Variants in CLCN5 observed in about 807,000 individuals in gnomAD.
CLCN5 encodes the protein Cl-/H+ antiporter 5, also known as H(+)/Cl(-) exchange transporter 5.
Under a neutral mutation model 54.0 loss-of-function variants are expected in CLCN5, and 17 were observed. That is an observed-to-expected ratio of 0.31 (90% CI 0.22 to 0.47). The LOEUF is 0.47. CLCN5 is among the 20% of genes least tolerant of loss of function. CLCN5 has a pLI of 1.00. For synonymous variants in CLCN5, 222 were observed against 233.0 expected, an observed-to-expected ratio of 0.95 and a Z score of 0.43; for missense variants, 448 against 646.7, an observed-to-expected ratio of 0.69 and a Z score of 3.33.
At chrX:49,936,222 C>T (rs955079980) in intron 3 of CLCN5, among the ~76,000 whole-genome samples, 16 of 111,853 alleles carry the variant, frequency 1.4e-4, no homozygotes, top group Non-Finnish European at 3.0e-4. Context: ...ATTAGTTCAT[C>T]CCATGCCATG....
chrX:50,059,420 G>A (rs1176839817), intron 4 of CLCN5, among the ~76,000 whole-genome samples: 2 of 111,529 alleles, frequency 1.8e-5, no homozygotes, highest in African/African-American at 3.3e-5. Flanking sequence ...GAAATGATCT[G>A]GTCAGATCAG....
chrX:49,977,767 C>G (rs781937521), intron 3 of CLCN5, among the ~76,000 whole-genome samples: 2 of 111,750 alleles, frequency 1.8e-5, no homozygotes, highest in Non-Finnish European at 3.8e-5. Flanking sequence ...TTCTTTCCCC[C>G]CTCCAGAAGC....
intron 3 of CLCN5, among the ~76,000 whole-genome samples, chrX:50,002,363 C>T (rs1243817105): frequency 2.7e-5 from 3 of 111,598 alleles, no homozygotes; most frequent in African/African-American, 9.8e-5. Context: ...TCTGTGTTCT[C>T]CAACTCAGCA....
chrX:49,995,524 T>A (rs898004918), intron 3 of CLCN5, among the ~76,000 whole-genome samples: 6 of 111,891 alleles, frequency 5.4e-5, no homozygotes, highest in Middle Eastern at 4.6e-3. Context: ...AAGTGCTATG[T>A]GAGCGAGTCA....
intron 3 of CLCN5, among the ~76,000 whole-genome samples, chrX:49,997,831 A>AT (rs1376645323): frequency 5.2e-4 from 57 of 110,020 alleles, no homozygotes; most frequent in Admixed American, 2.9e-4. Context: ...AATAATAAAC[A>AT]TTTTTTTGTT....
At position 49,976,134 on chromosome X, in the gene CLCN5, A is replaced by T. The variant is rs1275592865; in HGVS notation, c.16+50820A>T. Among the ~76,000 whole-genome samples the T allele has an allele frequency of 9.8e-5, 11 of 112,104 alleles. No homozygotes were observed. In the Admixed American group the frequency reaches 1.0e-3, roughly 11 times the overall value. On this transcript the variant is annotated intron_variant, in intron 3 of 14. Coordinates refer to ENST00000376091, the MANE Select transcript of CLCN5 (RefSeq NM_001127898.4). ...TCTTACCTAAAGCAGTTATTCTCAA[A>T]GTGTGGCCCCCAGCCGTGGCAGCAT...
rs1569538561 is a variant in CLCN5, at chrX:50,007,418, TC to T, written c.17-34897del. Among the ~76,000 whole-genome samples the T allele has an allele frequency of 1.9e-4, 19 of 100,414 alleles. 1 individual carries two copies. Among genetic ancestry groups the T allele is most frequent in the African/African-American group, 7.4e-4 (18 of 24,359 alleles). The allele number at this position is 100,414 out of a possible 115,157, so 87.2% of individuals were successfully genotyped here. A position where few individuals can be genotyped will look rare whatever the true frequency, so the allele number is the denominator to read the frequency against. On this transcript the variant is annotated intron_variant, in intron 3 of 14. Transcript: ENST00000376091. ...CTCTTTCTCTCTCTCTCTCTCTCTC[TC>T]TCTCTCTCTCTCTCTCTCTGTCACA...
At chrX:49,965,544 A>G (rs1464605109) in intron 3 of CLCN5, among the ~76,000 whole-genome samples, 2 of 112,204 alleles carry the variant, frequency 1.8e-5, no homozygotes, top group African/African-American at 6.5e-5. Context: ...TAATACATAG[A>G]TGAGCATGTC....
chrX:49,928,731 C>T (rs1366796366), intron 3 of CLCN5, among the ~76,000 whole-genome samples: 5 of 111,634 alleles, frequency 4.5e-5, no homozygotes, highest in Non-Finnish European at 9.4e-5. Context: ...CGAGACCATC[C>T]TGGCTAACAC....
At chrX:49,931,144 T>C (rs1430907115) in intron 3 of CLCN5, among the ~76,000 whole-genome samples, 3 of 111,454 alleles carry the variant, frequency 2.7e-5, no homozygotes, top group African/African-American at 9.8e-5. Flanking sequence ...GCAAACAAGT[T>C]TGAGAAAGCC....
chrX:49,932,212 G>C (rs1557168969), intron 3 of CLCN5, among the ~76,000 whole-genome samples: 1 of 111,596 alleles, frequency 9.0e-6, no homozygotes, highest in Non-Finnish European at 1.9e-5. Flanking sequence ...CATCATGCCT[G>C]GACCCATCTC....
intron 7 of CLCN5, among the ~76,000 whole-genome samples, chrX:50,080,129 A>G (rs1364050090): frequency 9.0e-6 from 1 of 111,621 alleles, no homozygotes; most frequent in Non-Finnish European, 1.9e-5. Context: ...TGAGAATTTG[A>G]CACCAAGGTA....
chrX:49,924,722 C>CT (rs1224475960), intron 2 of CLCN5, among the ~76,000 whole-genome samples: 1 of 111,474 alleles, frequency 9.0e-6, no homozygotes, highest in Non-Finnish European at 1.9e-5. Flanking sequence ...ATTCCGCTTC[C>CT]TTTTTTTTCC....
In CLCN5 at chrX:49,941,651, T is replaced by A. The variant is rs981573214; in HGVS notation, c.16+16337T>A. Among the ~76,000 whole-genome samples, 49 of 110,703 alleles carry A rather than the reference T, an allele frequency of 4.4e-4. 1 individual carries two copies. The highest frequency in any genetic ancestry group is 7.6e-4 in the Non-Finnish European group (40 of 52,974). ...TCTGCCTCGTTCTCTAGACATAACC[T>A]CCAGGTCCAGGTTCAACTGCAAACC... On this transcript the variant is annotated intron_variant, in intron 3 of 14. Transcript: ENST00000376091.
intron 4 of CLCN5, among the ~76,000 whole-genome samples, chrX:50,047,832 C>T (rs927005321): frequency 2.7e-5 from 3 of 111,423 alleles, no homozygotes; most frequent in Non-Finnish European, 5.6e-5. Flanking sequence ...AGATGAAGAC[C>T]GCAGAGGTGG....
chrX:49,994,476 G>A (rs1557179370), intron 3 of CLCN5, among the ~76,000 whole-genome samples: 1 of 110,962 alleles, frequency 9.0e-6, no homozygotes, highest in Non-Finnish European at 1.9e-5. Flanking sequence ...GCTAAAAAGG[G>A]CATTTCAGGA....
chrX:50,016,654 A>G (rs1480219232), intron 3 of CLCN5, among the ~76,000 whole-genome samples: 3 of 109,996 alleles, frequency 2.7e-5, no homozygotes, highest in Admixed American at 9.8e-5. Flanking sequence ...TGACAAGTGT[A>G]TAATGACATG....
At chrX:50,039,276 A>C (rs1557186855) in intron 3 of CLCN5, among the ~76,000 whole-genome samples, 1 of 112,176 alleles carries the variant, frequency 8.9e-6, no homozygotes, top group East Asian at 2.8e-4. Flanking sequence ...CCTGGGTGAC[A>C]GAGCAAGACT....
At chrX:50,075,669 A>G in intron 6 of CLCN5, 126 bp from the exon 7 acceptor site, 1 of 587,458 alleles carries the variant, frequency 1.7e-6, no homozygotes, top group Non-Finnish European at 3.0e-6. Flanking sequence ...ATGGGGAAGT[A>G]TGTGCTTATC....
Sources: gnomAD v4.1 joint callset for allele counts (sites outside exome capture counted in the v4.1 genomes callset) on GRCh38, gnomAD v4.1.1 for gene constraint, MANE v1.5 for transcripts, NCBI Gene and HGNC (gene_info 2026-07-23, HGNC 2026-07-21) for gene names.